PAQR5: variants seen among roughly 807,000 people sequenced by gnomAD.
PAQR5 encodes progestin and adipoQ receptor family member 5.
In PAQR5, 20 loss-of-function variants were observed where a neutral mutation model predicts 34.5. That is an observed-to-expected ratio of 0.58 (90% CI 0.41 to 0.84). PAQR5 has a LOEUF of 0.84. Ranked by LOEUF, PAQR5 falls within the 40% of genes least tolerant of loss-of-function variation. PAQR5 has a pLI of 0.00. For missense variants in PAQR5, 378 were observed against 412.7 expected (o/e 0.92, Z 0.73); for synonymous variants, 131 against 155.6 (o/e 0.84, Z 1.18).
intron 6 of PAQR5, among the ~76,000 whole-genome samples, chr15:69,395,756 C>G (rs1367803603): frequency 6.6e-6 from 1 of 152,080 alleles, no homozygotes; most frequent in African/African-American, 2.4e-5. Context: ...GCTGCCTCAC[C>G]TCTCCGGGAG....
Position 69,354,755 on chromosome 15 carries a change from G to A in PAQR5, c.-115-5211G>A, listed in dbSNP as rs183327657. Among the ~76,000 whole-genome samples, 40 of 152,270 alleles carry A rather than the reference G, an allele frequency of 2.6e-4. 1 individual carries two copies. The highest frequency in any genetic ancestry group is 5.2e-4 in the Admixed American group (8 of 15,298). ...TGTGTCTGCGAGGATGTTTCCAGAG[G>A]AGATCGGGTTGTAAGTCCATGGACC... On this transcript the variant is annotated intron_variant, in intron 2 of 8. Transcript: ENST00000395407.
At chr15:69,363,925 T>C (rs889454433) in intron 3 of PAQR5, among the ~76,000 whole-genome samples, 1 of 152,112 alleles carries the variant, frequency 6.6e-6, no homozygotes, top group Non-Finnish European at 1.5e-5. Flanking sequence ...TAGTCCCAGA[T>C]GCCTTAGTTT....
chr15:69,364,922 G>A (rs1266285094), intron 3 of PAQR5, among the ~76,000 whole-genome samples: 1 of 151,626 alleles, frequency 6.6e-6, no homozygotes, highest in Non-Finnish European at 1.5e-5. Context: ...ATTTTTAGTA[G>A]AGATGGGGTT....
intron 2 of PAQR5, among the ~76,000 whole-genome samples, chr15:69,355,337 TTTCTTTTTTTCTTTCTTTC>T (rs2055040424): frequency 1.4e-4 from 7 of 48,770 alleles, no homozygotes; most frequent in African/African-American, 5.6e-4. Context: ...TCTTTCTTTC[TTTCTTTTTTTCTTTCTTTC>T]TTTCTTTCTT....
intron 2 of PAQR5, among the ~76,000 whole-genome samples, chr15:69,357,260 G>GTT (rs748738094): frequency 0.046 from 7,009 of 151,724 alleles, 534 homozygotes; most frequent in African/African-American, 0.16. Flanking sequence ...CAGGGTGTTT[G>GTT]TTTGTTTGTT....
intron 6 of PAQR5, among the ~76,000 whole-genome samples, chr15:69,396,000 G>A (rs2056418476): frequency 6.6e-6 from 1 of 151,868 alleles, no homozygotes; most frequent in Non-Finnish European, 1.5e-5. Flanking sequence ...TTTGTGCTCG[G>A]TTGCCCTGAG....
At chr15:69,339,377 G>C (rs2054587296) in intron 2 of PAQR5, among the ~76,000 whole-genome samples, 1 of 152,134 alleles carries the variant, frequency 6.6e-6, no homozygotes, top group Admixed American at 6.5e-5. Flanking sequence ...CATTAGGAGG[G>C]GCTTCTTGTC....
At chr15:69,384,933 C>CTAGGGT in intron 5 of PAQR5, 51 bp downstream of exon 5, 1 of 1,421,312 alleles carries the variant, frequency 7.0e-7, no homozygotes, top group Non-Finnish European at 9.8e-7. Context: ...GGGCTGTTTG[C>CTAGGGT]CCCTTCTCCT....
At chr15:69,382,141 G>C (rs2055900871) in intron 4 of PAQR5, among the ~76,000 whole-genome samples, 1 of 152,080 alleles carries the variant, frequency 6.6e-6, no homozygotes, top group South Asian at 2.1e-4. Context: ...TAGTTCTCTT[G>C]GCCTCGGCTT....
intron 3 of PAQR5, among the ~76,000 whole-genome samples, chr15:69,368,901 A>C (rs2055478066): frequency 6.6e-6 from 1 of 151,992 alleles, no homozygotes; most frequent in African/African-American, 2.4e-5. Flanking sequence ...CAGTAGCTGG[A>C]ACTACAGCTG....
At chr15:69,373,553 G>C (rs1408671348) in intron 3 of PAQR5, among the ~76,000 whole-genome samples, 2 of 152,158 alleles carry the variant, frequency 1.3e-5, no homozygotes, top group Non-Finnish European at 2.9e-5. Flanking sequence ...CGTCTATAAT[G>C]CTAGTCATTC....
Position 69,405,008 on chromosome 15 carries a change from G to A in PAQR5, c.*1186G>A, listed in dbSNP as rs190255657. ...GCATTAGACCTATCAGCTTTGTTTC[G>A]CCTGATCTCAAGTTTTAGCAACTCA... On this transcript the variant is annotated 3_prime_UTR_variant, in exon 9 of 9. Transcript: ENST00000395407. 12 of 398,530 alleles carry A rather than the reference G, an allele frequency of 3.0e-5. No homozygotes were observed. The highest frequency in any genetic ancestry group is 4.4e-5 in the Admixed American group (1 of 22,720). The allele number at this position is 398,530 out of a possible 1,614,324, so 24.7% of individuals were successfully genotyped here. A position where few individuals can be genotyped will look rare whatever the true frequency, so the allele number is the denominator to read the frequency against.
chr15:69,307,694 T>C (rs2053748825), intron 1 of PAQR5, among the ~76,000 whole-genome samples: 1 of 152,166 alleles, frequency 6.6e-6, no homozygotes, highest in African/African-American at 2.4e-5. Flanking sequence ...CTGATGGTCA[T>C]CTTAGAAGGA....
intron 5 of PAQR5, among the ~76,000 whole-genome samples, chr15:69,386,287 CCACA>C (rs968369915): frequency 3.3e-5 from 5 of 151,326 alleles, no homozygotes; most frequent in African/African-American, 1.2e-4. Flanking sequence ...TACACACACA[CCACA>C]CACACGCTCA....
At position 69,405,622 on chromosome 15, in the gene PAQR5, A is replaced by C. The variant is rs2056741866; in HGVS notation, c.*1800A>C. The C allele has an allele frequency of 6.6e-6, 1 of 152,218 alleles. No individual in the cohort carries two copies. Among genetic ancestry groups the C allele is most frequent in the African/African-American group, 2.4e-5 (1 of 41,456 alleles). 9.4% of individuals were successfully genotyped at this position (152,218 alleles called of 1,614,324 possible). On this transcript the variant is annotated 3_prime_UTR_variant, in exon 9 of 9. Coordinates refer to ENST00000395407, the MANE Select transcript of PAQR5 (RefSeq NM_017705.4). ...CTGTAACTTCAATTTTATGGCAAAA[A>C]AAGGTACAAAGTTTAAATACCCCTT...
At chr15:69,306,921 G>A (rs2053730039) in intron 1 of PAQR5, among the ~76,000 whole-genome samples, 1 of 152,000 alleles carries the variant, frequency 6.6e-6, no homozygotes, top group Non-Finnish European at 1.5e-5. Flanking sequence ...GATACCTCCT[G>A]TAAGTGGAAT....
chr15:69,301,003 C>A (rs1185982551), intron 1 of PAQR5, among the ~76,000 whole-genome samples: 1 of 115,172 alleles, frequency 8.7e-6, no homozygotes, highest in African/African-American at 3.5e-5. Context: ...TTCTTTCTTT[C>A]TTTCTTTCTT....
At chr15:69,321,842 G>C (rs1296091264) in intron 1 of PAQR5, among the ~76,000 whole-genome samples, 1 of 152,064 alleles carries the variant, frequency 6.6e-6, no homozygotes, top group Non-Finnish European at 1.5e-5. Flanking sequence ...CAGTGTTCCT[G>C]GGCTGGGCAC....
chr15:69,398,062 C>T (rs1047746949), intron 7 of PAQR5, among the ~76,000 whole-genome samples: 5 of 152,120 alleles, frequency 3.3e-5, no homozygotes, highest in Admixed American at 1.3e-4. Context: ...CTCTATGCCT[C>T]GATTTCCTTC....
Sources: allele counts gnomAD v4.1 joint callset (sites outside exome capture counted in the v4.1 genomes callset), GRCh38; gene constraint gnomAD v4.1.1; transcripts MANE v1.5; gene names NCBI Gene and HGNC (gene_info 2026-07-23, HGNC 2026-07-21).